Variants in SNAP91 observed in about 807,000 individuals in gnomAD.
SNAP91 encodes the protein synaptosome associated protein 91, also known as clathrin coat assembly protein AP180.
SNAP91 carries 27 observed loss-of-function variants against 100.3 expected under a neutral mutation model. That is an observed-to-expected ratio of 0.27 (90% CI 0.20 to 0.37). The LOEUF (loss-of-function observed/expected upper bound fraction) is 0.37, where lower values mean the gene tolerates loss of function less well. SNAP91 is among the 10% of genes least tolerant of loss of function. The probability of loss-of-function intolerance (pLI) is 1.00; values close to 1 mark genes in which losing one functional copy is unlikely to be tolerated. For missense variants in SNAP91, 986 were observed against 1,123.7 expected (o/e 0.88, Z 1.75); for synonymous variants, 404 against 398.6 (o/e 1.01, Z -0.16).
At chr6:83,691,720 T>C (rs376029243) in intron 2 of SNAP91, among the ~76,000 whole-genome samples, 1 of 152,130 alleles carries the variant, frequency 6.6e-6, no homozygotes, top group East Asian at 1.9e-4. Context: ...TTTCCATGTA[T>C]CTGAAATACT....
intron 7 of SNAP91, among the ~76,000 whole-genome samples, chr6:83,654,168 A>G (rs1296794376): frequency 6.6e-6 from 1 of 152,160 alleles, no homozygotes; most frequent in Non-Finnish European, 1.5e-5. Context: ...TGAGCATCCA[A>G]CAATTCATTA....
chr6:83,578,857 C>T (rs184700541), intron 24 of SNAP91, among the ~76,000 whole-genome samples: 3 of 152,134 alleles, frequency 2.0e-5, no homozygotes, highest in East Asian at 3.9e-4. Flanking sequence ...CTAAAAGTTG[C>T]GTAGATTTAG....
rs1418138358 is a variant in SNAP91 at position 83,571,995 on chromosome 6, A to G, written c.2442+3015T>C. 3.9e-5 allele frequency among the ~76,000 whole-genome samples: 6 copies of G among 152,136 alleles called. No homozygotes were observed. The East Asian group carries it at 1.2e-3, about 29-fold the overall frequency. On this transcript the variant is annotated intron_variant, in intron 26 of 29. Transcript: ENST00000369694. ...TTCCTTTGCCTGCTGCTATCCATGT[A>G]AGATATGACTTGCTCCTCCTTGTCT...
At chr6:83,593,293 T>G in intron 18 of SNAP91, 34 bp from the exon 19 acceptor site, 1 of 1,562,090 alleles carries the variant, frequency 6.4e-7, no homozygotes, top group Non-Finnish European at 8.7e-7. Context: ...TTTACTCAAC[T>G]TGAACAATAA....
At chr6:83,667,801 A>T (rs1192101049) in intron 2 of SNAP91, among the ~76,000 whole-genome samples, 1 of 152,182 alleles carries the variant, frequency 6.6e-6, no homozygotes, top group African/African-American at 2.4e-5. Flanking sequence ...CACCAAAAGC[A>T]ACGGCAACAA....
At chr6:83,675,554 A>G (rs1361559206) in intron 2 of SNAP91, among the ~76,000 whole-genome samples, 1 of 152,090 alleles carries the variant, frequency 6.6e-6, no homozygotes, top group Admixed American at 6.6e-5. Context: ...ATTCTCTTAC[A>G]CTATTTGTTC....
At chr6:83,598,279 G>C (rs2094730875) in intron 16 of SNAP91, among the ~76,000 whole-genome samples, 1 of 152,086 alleles carries the variant, frequency 6.6e-6, no homozygotes, top group Non-Finnish European at 1.5e-5. Flanking sequence ...ATAAAAAGAA[G>C]ATCTCATTTC....
chr6:83,593,682 T>C lies in SNAP91; in HGVS notation c.1492A>G (p.Met498Val), dbSNP rs771199793. 16 of 1,610,522 alleles carry C rather than the reference T, an allele frequency of 9.9e-6. No homozygotes were observed. Among genetic ancestry groups the C allele is most frequent in the Admixed American group, 5.0e-5 (3 of 59,934 alleles). The change falls in exon 18 of 30, where the codon ATG becomes GTG. Residue 498 changes from methionine (M) to valine (V), a missense_variant. By Grantham distance (21) the Met-to-Val change is conservative. Transcript: ENST00000369694. ...EAAPELDLFAMKPPETSVPVV... is the reference protein window; with the variant it reads ...EAAPELDLFAVKPPETSVPVV... ...GGAACACTGGTCTCAGGTGGCTTCATTGCAAAGAGGTCCAGCTCAGGTGCA... is the reference window on the plus strand; with the variant it reads ...GGAACACTGGTCTCAGGTGGCTTCACTGCAAAGAGGTCCAGCTCAGGTGCA...
In SNAP91 at chr6:83,661,510, C is replaced by T; in HGVS notation, c.444G>A (p.Val148=). 1.3e-6 allele frequency: 2 copies of T among 1,599,376 alleles called. No individual in the cohort carries two copies. The highest frequency in any genetic ancestry group is 1.7e-6 in the Non-Finnish European group (2 of 1,170,654). ...YRQMAFDFAR[V]KKGADGVMRT... is the part of the protein sequence containing the mutation. ...GAAAGACAAAAACATACCCTTTCTT[C>T]ACCCTGGCAAAATCAAAGGCCATCT... Residue 148 remains valine, a synonymous_variant, in exon 5 of 30, where the codon GTG becomes GTA. Coordinates refer to ENST00000369694, the MANE Select transcript of SNAP91 (RefSeq NM_001242792.2).
chr6:83,610,753 ATATG>A, intron 11 of SNAP91, 76 bp from the exon 12 acceptor site: 11 of 223,312 alleles, frequency 4.9e-5, no homozygotes, highest in African/African-American at 1.3e-4. Context: ...ATATAAATAT[ATATG>A]TGAATATATT....
At chr6:83,583,592 TAAC>T (rs974376806) in intron 22 of SNAP91, among the ~76,000 whole-genome samples, 1 of 152,152 alleles carries the variant, frequency 6.6e-6, no homozygotes, top group Non-Finnish European at 1.5e-5. Context: ...AGTGATTTCT[TAAC>T]AAGACACTGG....
chr6:83,660,136 T>C (rs1185311541), intron 5 of SNAP91, among the ~76,000 whole-genome samples: 1 of 152,180 alleles, frequency 6.6e-6, no homozygotes, highest in South Asian at 2.1e-4. Flanking sequence ...ACCTGAAGTG[T>C]CCATATGTGT....
At position 83,677,501 on chromosome 6, in the gene SNAP91, T is replaced by A. The variant is rs532394827; in HGVS notation, c.131-11920A>T. ...ACTAGGGCCATGCACCACTATTACT[T>A]CAGAAGGGGATGGTGGAGAGAAGCT... On this transcript the variant is annotated intron_variant, in intron 2 of 29. Transcript: ENST00000369694. Among the ~76,000 whole-genome samples, 4 of 152,252 alleles carry A rather than the reference T, an allele frequency of 2.6e-5. No homozygotes were observed. In the South Asian group the frequency reaches 6.2e-4, roughly 24 times the overall value.
intron 8 of SNAP91, among the ~76,000 whole-genome samples, chr6:83,635,545 T>C (rs1273504384): frequency 1.3e-5 from 2 of 152,186 alleles, no homozygotes; most frequent in Non-Finnish European, 2.9e-5. Context: ...TGGTGGATCT[T>C]TTTTCATCCC....
rs545026046 is a variant in SNAP91, at chr6:83,607,458, T to C, written c.1022+241A>G. Among the ~76,000 whole-genome samples, 16 of 152,152 alleles carry C rather than the reference T, an allele frequency of 1.1e-4. No individual in the cohort carries two copies. In the South Asian group the frequency reaches 1.7e-3, roughly 16 times the overall value. ...CATATCAGCCAATTTCAGAATAAAT[T>C]GTGTGTATCATTCTTCCATTTCCTT... On this transcript the variant is annotated intron_variant, in intron 13 of 29. Coordinates refer to ENST00000369694, the MANE Select transcript of SNAP91 (RefSeq NM_001242792.2).
At chr6:83,618,612 TA>T (rs1424973702) in intron 9 of SNAP91, among the ~76,000 whole-genome samples, 3 of 151,814 alleles carry the variant, frequency 2.0e-5, no homozygotes, top group Non-Finnish European at 2.9e-5. Flanking sequence ...ACATTAAAAA[TA>T]AAAAAATAAA....
intron 9 of SNAP91, among the ~76,000 whole-genome samples, chr6:83,620,838 A>G (rs2096689360): frequency 6.6e-6 from 1 of 151,702 alleles, no homozygotes; most frequent in Non-Finnish European, 1.5e-5. Context: ...CAGCCTCCCA[A>G]GTAGCCGGGA....
intron 2 of SNAP91, among the ~76,000 whole-genome samples, chr6:83,676,169 C>A (rs1288325702): frequency 6.6e-6 from 1 of 151,116 alleles, no homozygotes; most frequent in Non-Finnish European, 1.5e-5. Context: ...TTCATTAACA[C>A]ATTTTTATTT....
At chr6:83,648,004 CAATGCCA>C (rs2098022058) in intron 7 of SNAP91, among the ~76,000 whole-genome samples, 2 of 152,266 alleles carry the variant, frequency 1.3e-5, no homozygotes, top group Admixed American at 1.3e-4. Context: ...AATACTATCA[CAATGCCA>C]ATTAAATTCC....
Sources: gnomAD v4.1 joint callset for allele counts (sites outside exome capture counted in the v4.1 genomes callset) on GRCh38, gnomAD v4.1.1 for gene constraint, MANE v1.5 for transcripts, NCBI Gene and HGNC (gene_info 2026-07-23, HGNC 2026-07-21) for gene names.